Variants in TBC1D22A observed in about 807,000 individuals in gnomAD.
The protein encoded by TBC1D22A is putative GTPase activator.
In TBC1D22A, 38 loss-of-function variants were observed where a neutral mutation model predicts 60.2. The ratio of observed to expected loss-of-function variants is 0.63; its 90% CI spans 0.49 to 0.83. The LOEUF (loss-of-function observed/expected upper bound fraction) is 0.83, where lower values mean the gene tolerates loss of function less well. Ranked by LOEUF, TBC1D22A falls within the 40% of genes least tolerant of loss-of-function variation. The pLI is 0.00. For synonymous variants in TBC1D22A, 302 were observed against 281.7 expected (o/e 1.07, Z -0.72); for missense variants, 628 against 701.0 (o/e 0.90, Z 1.18).
intron 8 of TBC1D22A, among the ~76,000 whole-genome samples, chr22:46,925,932 A>G (rs2071024372): frequency 6.6e-6 from 1 of 152,208 alleles, no homozygotes; most frequent in South Asian, 2.1e-4. Context: ...AACAAGCCGT[A>G]ATACTTTTGA....
chr22:47,166,224 A>G (rs2068205127), intron 12 of TBC1D22A, among the ~76,000 whole-genome samples: 1 of 152,090 alleles, frequency 6.6e-6, no homozygotes, highest in Admixed American at 6.5e-5. Flanking sequence ...AGGGGAGGGA[A>G]GCACTGGTCA....
At chr22:47,051,227 G>C (rs2063205906) in intron 11 of TBC1D22A, among the ~76,000 whole-genome samples, 1 of 152,182 alleles carries the variant, frequency 6.6e-6, no homozygotes, top group Non-Finnish European at 1.5e-5. Flanking sequence ...TAATGTTGTT[G>C]TCTCTAAATA....
intron 9 of TBC1D22A, among the ~76,000 whole-genome samples, chr22:46,975,410 A>G (rs1476562955): frequency 6.6e-6 from 1 of 152,166 alleles, no homozygotes; most frequent in South Asian, 2.1e-4. Flanking sequence ...CAAAGCCCAG[A>G]GCGCGGTTTG....
chr22:46,787,602 G>T (rs2084214781), intron 1 of TBC1D22A, among the ~76,000 whole-genome samples: 1 of 152,202 alleles, frequency 6.6e-6, no homozygotes, highest in African/African-American at 2.4e-5. Flanking sequence ...GGAACATCTA[G>T]TTGCAAAGGT....
chr22:47,153,878 G>A (rs1222714700), intron 12 of TBC1D22A, among the ~76,000 whole-genome samples: 1 of 152,192 alleles, frequency 6.6e-6, no homozygotes, highest in Admixed American at 6.5e-5. Context: ...GTGACGATGA[G>A]TCCCGTGTGG....
At chr22:46,911,482 G>A (rs4449247) in intron 7 of TBC1D22A, among the ~76,000 whole-genome samples, 84,718 of 152,074 alleles carry the variant, frequency 0.56, 24,363 homozygotes, top group Middle Eastern at 0.73. Flanking sequence ...GTCAGGTGCT[G>A]CTGCACGGTG....
intron 4 of TBC1D22A, among the ~76,000 whole-genome samples, chr22:46,839,247 C>CA (rs935719702): frequency 1.2e-4 from 16 of 136,122 alleles, no homozygotes; most frequent in African/African-American, 3.1e-4. Flanking sequence ...ACAATAGAAT[C>CA]AAAAAGAATG....
intron 8 of TBC1D22A, among the ~76,000 whole-genome samples, chr22:46,927,503 G>T (rs5769259): frequency 0.7 from 105,782 of 152,106 alleles, 37,217 homozygotes; most frequent in African/African-American, 0.79. Context: ...ATGCTTAGTT[G>T]AAAAGACAAA....
intron 4 of TBC1D22A, among the ~76,000 whole-genome samples, chr22:46,876,040 T>C (rs2067545416): frequency 6.6e-6 from 1 of 152,160 alleles, no homozygotes; most frequent in South Asian, 2.1e-4. Context: ...TGGCAGGTCT[T>C]GCGATGGGCC....
chr22:46,881,194 CTGTG>C (rs1416551580), intron 5 of TBC1D22A, among the ~76,000 whole-genome samples: 1 of 152,148 alleles, frequency 6.6e-6, no homozygotes, highest in Non-Finnish European at 1.5e-5. Flanking sequence ...AGTGGTGAGC[CTGTG>C]TTTCTGGAAG....
intron 4 of TBC1D22A, among the ~76,000 whole-genome samples, chr22:46,838,549 A>G (rs2086616033): frequency 6.6e-6 from 1 of 152,176 alleles, no homozygotes; most frequent in African/African-American, 2.4e-5. Flanking sequence ...AACACTTCCC[A>G]GCTGTATTAT....
At chr22:46,937,016 A>G (rs539800777) in intron 8 of TBC1D22A, among the ~76,000 whole-genome samples, 1 of 152,130 alleles carries the variant, frequency 6.6e-6, no homozygotes, top group African/African-American at 2.4e-5. Flanking sequence ...AGTGACAGAT[A>G]GGGTTCTTCT....
chr22:46,987,931 A>G (rs2074789454), intron 9 of TBC1D22A, among the ~76,000 whole-genome samples: 1 of 152,180 alleles, frequency 6.6e-6, no homozygotes, highest in African/African-American at 2.4e-5. Flanking sequence ...AGTTCTCCCA[A>G]GCCCTGCCAC....
chr22:47,138,040 T>A (rs2066938515), intron 12 of TBC1D22A, among the ~76,000 whole-genome samples: 3 of 152,148 alleles, frequency 2.0e-5, no homozygotes, highest in African/African-American at 7.2e-5. Flanking sequence ...AGTGTCATCG[T>A]CAGTGCCACT....
At chr22:47,146,177 C>T (rs543762188) in intron 12 of TBC1D22A, among the ~76,000 whole-genome samples, 2 of 150,152 alleles carry the variant, frequency 1.3e-5, no homozygotes, top group South Asian at 2.1e-4. Flanking sequence ...GGCCGCGGCG[C>T]GGGGACGCAC....
intron 8 of TBC1D22A, among the ~76,000 whole-genome samples, chr22:46,946,393 T>C (rs1419673044): frequency 1.3e-5 from 2 of 152,224 alleles, no homozygotes; most frequent in African/African-American, 2.4e-5. Flanking sequence ...TGGTGCTCCC[T>C]GCTCCCCCTT....
In TBC1D22A at chr22:47,038,979, C is replaced by T. The variant is rs561440498; in HGVS notation, c.1329+1781C>T. Reference sequence around the variant, plus strand: ...TATCCTGTAAATTGCGAATGCTGTCCGTTTTTGTGATTGGTTAGGCTGTTT... The same window carrying T: ...TATCCTGTAAATTGCGAATGCTGTCTGTTTTTGTGATTGGTTAGGCTGTTT... On this transcript the variant is annotated intron_variant, in intron 11 of 12. Coordinates refer to ENST00000337137, the MANE Select transcript of TBC1D22A (RefSeq NM_014346.5). Among the ~76,000 whole-genome samples the T allele has an allele frequency of 2.5e-3, 375 of 152,244 alleles. 1 individual carries two copies. Among genetic ancestry groups the T allele is most frequent in the African/African-American group, 8.6e-3 (359 of 41,532 alleles).
In TBC1D22A at chr22:46,941,108, TACACACAC is replaced by T. The variant is rs145138507; in HGVS notation, c.1015+28952_1015+28959del. ...CAGCATGGGGACTGGGGCACTAGCA[TACACACAC>T]ACACACACACACACACACACACACA... On this transcript the variant is annotated intron_variant, in intron 8 of 12. Coordinates refer to ENST00000337137, the MANE Select transcript of TBC1D22A (RefSeq NM_014346.5). Among the ~76,000 whole-genome samples the T allele has an allele frequency of 4.2e-3, 326 of 77,440 alleles. 4 individuals carry two copies. The highest frequency in any genetic ancestry group is 0.011 in the African/African-American group (196 of 17,870). 50.8% of individuals were successfully genotyped at this position (77,440 alleles called of 152,430 possible).
chr22:46,969,905 A>G (rs780412511), intron 8 of TBC1D22A, among the ~76,000 whole-genome samples: 13 of 152,218 alleles, frequency 8.5e-5, no homozygotes, highest in Non-Finnish European at 1.3e-4. Context: ...AGATACAATC[A>G]TATTTCAGAT....
Sources: gnomAD v4.1 joint callset for allele counts (sites outside exome capture counted in the v4.1 genomes callset) on GRCh38, gnomAD v4.1.1 for gene constraint, MANE v1.5 for transcripts, NCBI Gene and HGNC (gene_info 2026-07-23, HGNC 2026-07-21) for gene names.